Variants in PTPRG observed in about 807,000 individuals in gnomAD.
PTPRG encodes the protein protein tyrosine phosphatase receptor type G, also known as receptor-type tyrosine-protein phosphatase gamma.
Under a neutral mutation model 165.3 loss-of-function variants are expected in PTPRG, and 102 were observed. That is an observed-to-expected ratio of 0.62 (90% confidence interval 0.53 to 0.73). PTPRG has a LOEUF of 0.73. PTPRG is among the 30% of genes least tolerant of loss of function. The pLI is 0.00. For synonymous variants in PTPRG, 675 were observed against 669.5 expected (o/e 1.01, Z -0.13); for missense variants, 1,866 against 1,861.4 (o/e 1.00, Z -0.05).
intron 1 of PTPRG, among the ~76,000 whole-genome samples, chr3:61,617,644 T>C (rs1478240064): frequency 1.3e-5 from 2 of 152,214 alleles, no homozygotes; most frequent in Non-Finnish European, 2.9e-5. Flanking sequence ...AACCTCCCTC[T>C]TGCCTTCCTT....
chr3:62,069,119 A>G (rs1701117364), intron 4 of PTPRG, among the ~76,000 whole-genome samples: 1 of 152,376 alleles, frequency 6.6e-6, no homozygotes, highest in East Asian at 1.9e-4. Context: ...TACTTTAAGT[A>G]TCCCTTCTGG....
intron 15 of PTPRG, among the ~76,000 whole-genome samples, chr3:62,251,180 C>T (rs888438879): frequency 2.0e-5 from 3 of 152,140 alleles, no homozygotes; most frequent in Non-Finnish European, 4.4e-5. Context: ...CACTCGAGCC[C>T]AAGAGTTTGA....
chr3:61,869,984 C>T (rs933598074), intron 2 of PTPRG, among the ~76,000 whole-genome samples: 3 of 152,008 alleles, frequency 2.0e-5, no homozygotes, highest in Non-Finnish European at 2.9e-5. Context: ...CCACCATGAC[C>T]CCATCACCCT....
chr3:61,838,150 TG>T (rs374079296), intron 2 of PTPRG, among the ~76,000 whole-genome samples: 6 of 152,328 alleles, frequency 3.9e-5, no homozygotes, highest in African/African-American at 1.4e-4. Flanking sequence ...GGGAGGGAAC[TG>T]GGCCTAAAAG....
intron 2 of PTPRG, among the ~76,000 whole-genome samples, chr3:61,815,840 T>C (rs1049334313): frequency 6.6e-6 from 1 of 152,208 alleles, no homozygotes; most frequent in Non-Finnish European, 1.5e-5. Context: ...CAGCAGAACA[T>C]GTTCCTCATT....
At chr3:61,685,836 T>C (rs1363857946) in intron 1 of PTPRG, among the ~76,000 whole-genome samples, 2 of 152,110 alleles carry the variant, frequency 1.3e-5, no homozygotes, top group African/African-American at 4.8e-5. Context: ...GCCCCTAGAG[T>C]GTGGCCTTTG....
At chr3:61,647,109 C>G (rs1003938735) in intron 1 of PTPRG, among the ~76,000 whole-genome samples, 7 of 152,110 alleles carry the variant, frequency 4.6e-5, no homozygotes, top group African/African-American at 1.4e-4. Context: ...GTTTTTATTT[C>G]TCTGAGATAA....
intron 2 of PTPRG, among the ~76,000 whole-genome samples, chr3:61,936,534 C>A (rs978196077): frequency 6.6e-6 from 1 of 152,146 alleles, no homozygotes; most frequent in Admixed American, 6.5e-5. Flanking sequence ...CCCTACCCGC[C>A]CCCTACTGGT....
At position 62,281,551 on chromosome 3, in the gene PTPRG, T is replaced by TTTTTTTTTTTTTTTTTTTTTTTTTG; in HGVS notation, c.3766-12_3766-11insTTTTTTTTTTTTTTTTTTTTTTTTG. 8 of 1,466,120 alleles carry TTTTTTTTTTTTTTTTTTTTTTTTTG rather than the reference T, an allele frequency of 5.5e-6. 3 individuals are homozygous for TTTTTTTTTTTTTTTTTTTTTTTTTG. The South Asian group carries it at 1.1e-4, about 20-fold the overall frequency. The allele number at this position is 1,466,120 out of a possible 1,614,324, so 90.8% of individuals were successfully genotyped here. On this transcript the variant is annotated splice_polypyrimidine_tract_variant and intron_variant, in intron 26 of 29. Transcript: ENST00000474889. ...GAACTGCAGAGGCTTTTTTTTTTTT[T>TTTTTTTTTTTTTTTTTTTTTTTTTG]GGATTCCAAAGGCAGAAGATGAGTT...
chr3:61,840,778 G>GTTTTT (rs1421518243), intron 2 of PTPRG, among the ~76,000 whole-genome samples: 20 of 106,194 alleles, frequency 1.9e-4, no homozygotes, highest in African/African-American at 8.5e-4. Flanking sequence ...TTTTTTGTTT[G>GTTTTT]TTTGTTTTTT....
chr3:61,672,503 C>T (rs1361627023), intron 1 of PTPRG, among the ~76,000 whole-genome samples: 2 of 148,476 alleles, frequency 1.3e-5, no homozygotes, highest in Admixed American at 6.7e-5. Context: ...GGATCACTCG[C>T]GGTTAGGAGC....
Position 61,601,217 on chromosome 3 carries a change from C to T in PTPRG, c.85+38845C>T, listed in dbSNP as rs150736218. On this transcript the variant is annotated intron_variant, in intron 1 of 29. Transcript: ENST00000474889. ...GTTGCAGTGAGCTGAGATTGCACCA[C>T]GGCACTCCAGCCTGGGTGACAGACG... is the stretch of plus-strand genomic sequence containing the variant. 4.6e-3 allele frequency among the ~76,000 whole-genome samples: 701 copies of T among 152,290 alleles called. 4 individuals carry two copies. Among genetic ancestry groups the T allele is most frequent in the African/African-American group, 0.014 (581 of 41,548 alleles).
intron 2 of PTPRG, among the ~76,000 whole-genome samples, chr3:61,842,286 A>C (rs575777873): frequency 6.6e-6 from 1 of 152,326 alleles, no homozygotes; most frequent in African/African-American, 2.4e-5. Flanking sequence ...GCAATGCCAT[A>C]CACTTGGAAA....
chr3:61,754,923 C>T (rs2033581575), intron 2 of PTPRG, among the ~76,000 whole-genome samples: 1 of 152,038 alleles, frequency 6.6e-6, no homozygotes, highest in African/African-American at 2.4e-5. Context: ...AAAGCCTCCT[C>T]CAAAATCTCT....
rs538974559 is a variant in PTPRG, at chr3:61,865,419, A to G, written c.190+116437A>G. On this transcript the variant is annotated intron_variant, in intron 2 of 29. Transcript: ENST00000474889. The stretch of plus-strand genomic sequence containing the variant: ...GTTCTAGCTGAGGAAACGGGATATT[A>G]GAGTTCTGAGTCCAAAGCATGTGTC... 4.6e-5 allele frequency among the ~76,000 whole-genome samples: 7 copies of G among 152,332 alleles called. No individual in the cohort carries two copies. The South Asian group carries it at 1.5e-3, about 32-fold the overall frequency.
At chr3:61,929,683 C>T (rs534521290) in intron 2 of PTPRG, among the ~76,000 whole-genome samples, 1 of 152,268 alleles carries the variant, frequency 6.6e-6, no homozygotes, top group South Asian at 2.1e-4. Flanking sequence ...GTTTATGAGC[C>T]GTCGTGTCGG....
intron 2 of PTPRG, among the ~76,000 whole-genome samples, chr3:61,768,862 C>T (rs1305469169): frequency 6.6e-6 from 1 of 152,058 alleles, no homozygotes; most frequent in Non-Finnish European, 1.5e-5. Flanking sequence ...TAATGATTTC[C>T]CCACAGCTTT....
At chr3:62,209,622 A>C in intron 12 of PTPRG, among the ~76,000 whole-genome samples, 1 of 152,080 alleles carries the variant, frequency 6.6e-6, no homozygotes, top group Non-Finnish European at 1.5e-5. Context: ...CTTTCTAGAG[A>C]AATGTTTTCT....
chr3:62,212,898 G>A (rs970983990), intron 12 of PTPRG, among the ~76,000 whole-genome samples: 1 of 152,198 alleles, frequency 6.6e-6, no homozygotes, highest in Non-Finnish European at 1.5e-5. Context: ...AACCAGGGTT[G>A]CCAGTTCATA....
Sources: allele counts gnomAD v4.1 joint callset (sites outside exome capture counted in the v4.1 genomes callset), GRCh38; gene constraint gnomAD v4.1.1; transcripts MANE v1.5; gene names NCBI Gene and HGNC (gene_info 2026-07-23, HGNC 2026-07-21).